CADPS: variants seen among roughly 807,000 people sequenced by gnomAD.
The protein encoded by CADPS is calcium-dependent secretion activator 1.
Under a neutral mutation model 167.3 loss-of-function variants are expected in CADPS, and 57 were observed. The ratio of observed to expected loss-of-function variants is 0.34; its 90% CI spans 0.28 to 0.42. The LOEUF (loss-of-function observed/expected upper bound fraction) is 0.42, where lower values mean the gene tolerates loss of function less well. Among genes scored for constraint, CADPS ranks in the 20% least tolerant of loss-of-function variants. CADPS has a pLI of 1.00. For missense variants in CADPS, 1,414 were observed against 1,738.1 expected (o/e 0.81, Z 3.32); for synonymous variants, 676 against 635.3 (o/e 1.06, Z -0.96).
At chr3:62,867,269 T>C (rs1255303205) in intron 1 of CADPS, among the ~76,000 whole-genome samples, 2 of 152,026 alleles carry the variant, frequency 1.3e-5, no homozygotes, top group Non-Finnish European at 2.9e-5. Context: ...TTCCTCATAG[T>C]GGCTATGAAG....
chr3:62,565,129 C>A (rs1273627342), intron 9 of CADPS, among the ~76,000 whole-genome samples: 1 of 152,042 alleles, frequency 6.6e-6, no homozygotes, highest in Admixed American at 6.6e-5. Flanking sequence ...CAGTAGTAAT[C>A]AATGTGTTTG....
chr3:62,726,674 G>T (rs993992438), intron 3 of CADPS, among the ~76,000 whole-genome samples: 1 of 151,914 alleles, frequency 6.6e-6, no homozygotes, highest in Non-Finnish European at 1.5e-5. Flanking sequence ...TAAGTGTATT[G>T]ATCAATTGCT....
At chr3:62,722,280 G>C (rs910640003) in intron 3 of CADPS, among the ~76,000 whole-genome samples, 49 of 152,358 alleles carry the variant, frequency 3.2e-4, no homozygotes, top group African/African-American at 1.2e-3. Flanking sequence ...CCGACTTGGT[G>C]AGGCAAAGGC....
At chr3:62,451,249 A>G (rs2058002360) in intron 26 of CADPS, among the ~76,000 whole-genome samples, 1 of 152,036 alleles carries the variant, frequency 6.6e-6, no homozygotes. Flanking sequence ...GCCCAAGGTA[A>G]TCTTTTCATT....
At chr3:62,685,853 A>G (rs932744314) in intron 3 of CADPS, among the ~76,000 whole-genome samples, 1 of 152,126 alleles carries the variant, frequency 6.6e-6, no homozygotes, top group Non-Finnish European at 1.5e-5. Context: ...CTGATCTGAC[A>G]GGAGGTGGAG....
At chr3:62,656,208 T>G (rs1451182857) in intron 4 of CADPS, among the ~76,000 whole-genome samples, 1 of 152,110 alleles carries the variant, frequency 6.6e-6, no homozygotes, top group Non-Finnish European at 1.5e-5. Flanking sequence ...AGCACTATGC[T>G]CCTACCACCA....
intron 11 of CADPS, among the ~76,000 whole-genome samples, chr3:62,540,457 C>T (rs1175267361): frequency 6.6e-6 from 1 of 152,014 alleles, no homozygotes; most frequent in Non-Finnish European, 1.5e-5. Context: ...TACTCTGACA[C>T]CTTCATCCCA....
chr3:62,565,977 C>T lies in CADPS; in HGVS notation c.1644+4895G>A, dbSNP rs533650544. Among the ~76,000 whole-genome samples the T allele has an allele frequency of 1.6e-4, 24 of 152,264 alleles. No homozygotes were observed. The South Asian group carries it at 2.3e-3, about 14-fold the overall frequency. On this transcript the variant is annotated intron_variant, in intron 9 of 29. Transcript: ENST00000383710. ...AGACTAATGTTGGATGTCCTCTCTT[C>T]ATCTTTGTTTTTTCAGACAATTTTC... is the stretch of plus-strand genomic sequence containing the variant.
intron 3 of CADPS, among the ~76,000 whole-genome samples, chr3:62,667,390 G>A (rs993312535): frequency 2.0e-5 from 3 of 151,932 alleles, no homozygotes; most frequent in African/African-American, 4.8e-5. Context: ...TCCTTAGTTT[G>A]CCTTTAGCTG....
intron 3 of CADPS, among the ~76,000 whole-genome samples, chr3:62,669,097 T>C (rs2075043238): frequency 6.6e-6 from 1 of 152,204 alleles, no homozygotes; most frequent in South Asian, 2.1e-4. Context: ...GACAGGGGTC[T>C]CTATAAGCAG....
At chr3:62,612,077 A>G (rs1260861933) in intron 6 of CADPS, among the ~76,000 whole-genome samples, 2 of 152,206 alleles carry the variant, frequency 1.3e-5, no homozygotes, top group Non-Finnish European at 2.9e-5. Context: ...GTGAATCATC[A>G]ATTTTGAAAT....
At chr3:62,755,475 C>T (rs904512858) in intron 2 of CADPS, among the ~76,000 whole-genome samples, 3 of 152,172 alleles carry the variant, frequency 2.0e-5, no homozygotes, top group Middle Eastern at 3.2e-3. Flanking sequence ...AAATATCCTT[C>T]AAGAGGCAGA....
intron 3 of CADPS, among the ~76,000 whole-genome samples, chr3:62,744,988 T>C (rs1441326770): frequency 1.3e-5 from 2 of 152,240 alleles, no homozygotes; most frequent in Non-Finnish European, 2.9e-5. Flanking sequence ...CAGAAAATTA[T>C]GGCTCTGGGA....
chr3:62,527,725 C>T (rs752044682), intron 13 of CADPS, among the ~76,000 whole-genome samples: 10 of 152,110 alleles, frequency 6.6e-5, no homozygotes, highest in Non-Finnish European at 1.5e-4. Context: ...CAAGGTTCTG[C>T]CTCTGCCGGT....
At chr3:62,531,503 A>G (rs1247134674) in intron 13 of CADPS, among the ~76,000 whole-genome samples, 12 of 152,298 alleles carry the variant, frequency 7.9e-5, no homozygotes, top group Admixed American at 6.5e-4. Flanking sequence ...GTAAAAATAC[A>G]TCAGTGCTAG....
At chr3:62,633,565 C>T (rs2065712495) in intron 6 of CADPS, among the ~76,000 whole-genome samples, 1 of 152,072 alleles carries the variant, frequency 6.6e-6, no homozygotes, top group African/African-American at 2.4e-5. Context: ...AGTCTCAGGA[C>T]TTGGCAATTC....
intron 3 of CADPS, among the ~76,000 whole-genome samples, chr3:62,679,682 C>A (rs1348159966): frequency 6.6e-6 from 1 of 152,062 alleles, no homozygotes; most frequent in African/African-American, 2.4e-5. Flanking sequence ...CCCGTCAGCA[C>A]TGCCCAAGAC....
chr3:62,767,449 A>G (rs1184207471), intron 1 of CADPS, among the ~76,000 whole-genome samples: 1 of 152,258 alleles, frequency 6.6e-6, no homozygotes, highest in Non-Finnish European at 1.5e-5. Flanking sequence ...ATTCAATAAC[A>G]TAACGAGTTC....
chr3:62,478,953 T>A lies in CADPS; in HGVS notation c.3174-537A>T, dbSNP rs2061635382. Among the ~76,000 whole-genome samples, 1 of 152,114 alleles carries A rather than the reference T, an allele frequency of 6.6e-6. No homozygotes were observed. The highest frequency in any genetic ancestry group is 6.5e-5 in the Admixed American group (1 of 15,270). On this transcript the variant is annotated intron_variant, in intron 22 of 29. Coordinates refer to ENST00000383710, the MANE Select transcript of CADPS (RefSeq NM_003716.4). This position sits in a 1 kb window ranked among gnomAD's most constrained non-coding sequence, Gnocchi z 5.7. ...TCTCTCTTGAAGAGCTGGAAAGAAA[T>A]TAGGGTGACTCAGATCAAGAGGGGT...
Sources: allele counts gnomAD v4.1 joint callset (sites outside exome capture counted in the v4.1 genomes callset), GRCh38; gene constraint gnomAD v4.1.1; non-coding constraint Gnocchi (gnomAD v3.1); transcripts MANE v1.5; gene names NCBI Gene and HGNC (gene_info 2026-07-23, HGNC 2026-07-21).